The following LINGO1 variants were observed in gnomAD, a reference collection of about 807,000 sequenced individuals.
The protein encoded by LINGO1 is leucine rich repeat and Ig domain containing 1.
LINGO1 carries 11 observed loss-of-function variants against 37.3 expected under a neutral mutation model. That is an observed-to-expected ratio of 0.29 (90% CI 0.19 to 0.49). LINGO1 has a LOEUF of 0.49. Ranked by LOEUF, LINGO1 falls within the 20% of genes least tolerant of loss-of-function variation. The probability of loss-of-function intolerance (pLI) is 0.99; values close to 1 mark genes in which losing one functional copy is unlikely to be tolerated. For synonymous variants in LINGO1, 387 were observed against 403.0 expected (o/e 0.96, Z 0.48); for missense variants, 585 against 878.2 (o/e 0.67, Z 4.22).
chr15:77,646,364 C>T (rs886495005), intron 3 of LINGO1: 5 of 426,014 alleles, frequency 1.2e-5, no homozygotes, highest in African/African-American at 6.2e-5. Flanking sequence ...CCCACATTGG[C>T]ACCCTCTGGT....
chr15:77,682,055 G>A (rs867735174), intron 2 of LINGO1, among the ~76,000 whole-genome samples: 2 of 152,100 alleles, frequency 1.3e-5, no homozygotes, highest in East Asian at 1.9e-4. Flanking sequence ...TCCAGCACTC[G>A]TCCCTAAGAG....
chr15:77,657,909 G>C (rs919077606), intron 3 of LINGO1, among the ~76,000 whole-genome samples: 6 of 152,174 alleles, frequency 3.9e-5, no homozygotes, highest in African/African-American at 1.4e-4. Context: ...GCACCAAGAC[G>C]TGACAAAAAT....
rs2142485096 is a variant in LINGO1, at chr15:77,615,687, G to A, written c.220C>T (p.Arg74Cys). Residue 74 changes from arginine to cysteine, a missense_variant, in exon 2 of 2, where the codon CGC (arginine) becomes TGC (cysteine). Coordinates refer to ENST00000355300, the MANE Select transcript of LINGO1 (RefSeq NM_032808.7). ...CGGTTCTTGCCTAGGTCCAGCAGGC[G>A]CGTCTCGGTGGGGATGCCCTCGGGG... ...AVPEGIPTET[R>C]LLDLGKNRIK... 1 of 1,606,098 alleles carries A rather than the reference G, an allele frequency of 6.2e-7. No homozygotes were observed. The highest frequency in any genetic ancestry group is 2.2e-5 in the East Asian group (1 of 44,678).
chr15:77,796,979 G>A (rs765465911), intron 1 of LINGO1, among the ~76,000 whole-genome samples: 55 of 152,188 alleles, frequency 3.6e-4, no homozygotes, highest in Non-Finnish European at 6.0e-4. Flanking sequence ...TGGGATTATC[G>A]GCGGAGCCAT....
chr15:77,653,394 T>C (rs368376220), intron 3 of LINGO1, among the ~76,000 whole-genome samples: 1 of 152,198 alleles, frequency 6.6e-6, no homozygotes, highest in Admixed American at 6.5e-5. Context: ...TGAGGGAAGT[T>C]GCTGAGTGAC....
intron 1 of LINGO1, 22 bp from the exon 2 acceptor site, chr15:77,615,922 G>A (rs1159456918): frequency 6.9e-7 from 1 of 1,446,154 alleles, no homozygotes; most frequent in South Asian, 1.5e-5. Context: ...AGCAAGCACA[G>A]GACAGAGGTG....
chr15:77,742,694 T>C (rs948944959), intron 1 of LINGO1, among the ~76,000 whole-genome samples: 1 of 152,214 alleles, frequency 6.6e-6, no homozygotes, highest in African/African-American at 2.4e-5. Flanking sequence ...TTTAGCCTGC[T>C]GGAGAGCTGG....
rs60040029 is a variant in LINGO1, at chr15:77,740,895, C to A, written c.-256-5842G>T. Among the ~76,000 whole-genome samples, 582 of 152,336 alleles carry A rather than the reference C, an allele frequency of 3.8e-3. 3 individuals carry two copies. The highest frequency in any genetic ancestry group is 0.014 in the Middle Eastern group (4 of 294). On this transcript the variant is annotated intron_variant, in intron 1 of 3. Coordinates refer to the LINGO1 transcript ENST00000561686. ...AAGGCAGTGCTTCTGCCGAGCTATGCGGCCCGGCAACAGTGGCCAAAGGTG... is the reference window on the plus strand; with the variant it reads ...AAGGCAGTGCTTCTGCCGAGCTATGAGGCCCGGCAACAGTGGCCAAAGGTG...
chr15:77,632,349 A>T lies in LINGO1; in HGVS notation c.-34T>A. 1 of 1,419,694 alleles carries T rather than the reference A, an allele frequency of 7.0e-7. No individual in the cohort carries two copies. The highest frequency in any genetic ancestry group is 9.2e-7 in the Non-Finnish European group (1 of 1,085,426). The allele number at this position is 1,419,694 out of a possible 1,614,324, so 87.9% of individuals were successfully genotyped here. A position where few individuals can be genotyped will look rare whatever the true frequency, so the allele number is the denominator to read the frequency against. Reference sequence around the variant, plus strand: ...CGCCTTCGGTCCGCTCGGCTCGGTCACCAATCGCATGTCTCTCCAGCCGGC... The same window carrying T: ...CGCCTTCGGTCCGCTCGGCTCGGTCTCCAATCGCATGTCTCTCCAGCCGGC... On this transcript the variant is annotated 5_prime_UTR_variant, in exon 1 of 2. Coordinates refer to ENST00000355300, the MANE Select transcript of LINGO1 (RefSeq NM_032808.7). This position sits in a 1 kb window ranked among gnomAD's most constrained non-coding sequence, Gnocchi z 6.0.
intron 2 of LINGO1, among the ~76,000 whole-genome samples, chr15:77,688,291 T>A (rs2075546142): frequency 6.6e-6 from 1 of 152,210 alleles, no homozygotes; most frequent in Non-Finnish European, 1.5e-5. Flanking sequence ...GTCAAGTTGG[T>A]CTGCTGGCAA....
chr15:77,713,463 CAG>C (rs1356045385), intron 2 of LINGO1, among the ~76,000 whole-genome samples: 2 of 151,664 alleles, frequency 1.3e-5, no homozygotes, highest in Non-Finnish European at 2.9e-5. Flanking sequence ...AACAAAATTA[CAG>C]AGGAGGACAA....
chr15:77,746,597 A>AGGCTGGG (rs1156977682), intron 1 of LINGO1, among the ~76,000 whole-genome samples: 6 of 152,082 alleles, frequency 3.9e-5, no homozygotes, highest in Admixed American at 2.0e-4. Context: ...TGCAGGAGCA[A>AGGCTGGG]GGCTGGGGGC....
At position 77,703,960 on chromosome 15, in the gene LINGO1, G is replaced by A. The variant is rs992596043; in HGVS notation, c.-194-13059C>T. Among the ~76,000 whole-genome samples the A allele has an allele frequency of 2.6e-5, 4 of 152,202 alleles. No individual in the cohort carries two copies. The South Asian group carries it at 8.3e-4, about 31-fold the overall frequency. ...CTCTGCCAAAGGTCCCTCTACCCCA[G>A]GGAGAAATGCTGAGGGACCCTGAAA... is the stretch of plus-strand genomic sequence containing the variant. On this transcript the variant is annotated intron_variant, in intron 2 of 3. Coordinates refer to the LINGO1 transcript ENST00000561686.
intron 1 of LINGO1, among the ~76,000 whole-genome samples, chr15:77,808,381 T>C (rs1158244530): frequency 1.3e-5 from 2 of 152,066 alleles, no homozygotes; most frequent in Non-Finnish European, 1.5e-5. Context: ...GCAAAGGCCT[T>C]GAGAGGGAGG....
At chr15:77,814,542 A>G (rs1481233828) in intron 1 of LINGO1, among the ~76,000 whole-genome samples, 1 of 152,254 alleles carries the variant, frequency 6.6e-6, no homozygotes, top group Non-Finnish European at 1.5e-5. Flanking sequence ...AGGGCAAAAC[A>G]TCAGCTAACA....
intron 2 of LINGO1, among the ~76,000 whole-genome samples, chr15:77,715,305 G>A (rs763309533): frequency 1.3e-5 from 2 of 152,334 alleles, no homozygotes; most frequent in Admixed American, 6.5e-5. Context: ...GGGGGCCTAG[G>A]AGGGGTCTGA....
intron 1 of LINGO1, among the ~76,000 whole-genome samples, chr15:77,624,931 C>T (rs903771830): frequency 2.6e-5 from 4 of 152,288 alleles, no homozygotes; most frequent in Non-Finnish European, 4.4e-5. Context: ...CCCAGGCTCT[C>T]GGGGACAGGA....
In LINGO1 at chr15:77,749,157, C is replaced by T. The variant is rs1165008109; in HGVS notation, c.-256-14104G>A. On this transcript the variant is annotated intron_variant, in intron 1 of 3. Coordinates refer to the LINGO1 transcript ENST00000561686. Reference sequence around the variant, plus strand: ...TTCTGACCTTAGGTGATCCGCCTGCCTCGGCCTCCCAAAGTGCTGGGATTA... The same window carrying T: ...TTCTGACCTTAGGTGATCCGCCTGCTTCGGCCTCCCAAAGTGCTGGGATTA... Among the ~76,000 whole-genome samples the T allele has an allele frequency of 2.0e-5, 3 of 152,040 alleles. No individual in the cohort carries two copies. The East Asian group carries it at 5.8e-4, about 29-fold the overall frequency.
At chr15:77,741,045 CA>C (rs1180045132) in intron 1 of LINGO1, among the ~76,000 whole-genome samples, 16 of 152,186 alleles carry the variant, frequency 1.1e-4, no homozygotes, top group Admixed American at 2.0e-4. Context: ...AGGAGTCAGG[CA>C]GCTACCCTAC....
Sources: allele counts gnomAD v4.1 joint callset (sites outside exome capture counted in the v4.1 genomes callset), GRCh38; gene constraint gnomAD v4.1.1; non-coding constraint Gnocchi (gnomAD v3.1); transcripts MANE v1.5; gene names NCBI Gene and HGNC (gene_info 2026-07-23, HGNC 2026-07-21).